RGL1: variants seen among roughly 807,000 people sequenced by gnomAD.
The protein encoded by RGL1 is ral guanine nucleotide dissociation stimulator like 1, also known as ral guanine nucleotide dissociation stimulator-like 1.
In RGL1, 24 loss-of-function variants were observed where a neutral mutation model predicts 95.2. The ratio of observed to expected loss-of-function variants is 0.25; its 90% CI spans 0.18 to 0.35. The LOEUF is 0.35. Ranked by LOEUF, RGL1 falls within the 10% of genes least tolerant of loss-of-function variation. The probability of loss-of-function intolerance (pLI) is 1.00; values close to 1 mark genes in which losing one functional copy is unlikely to be tolerated. For synonymous variants in RGL1, 329 were observed against 344.9 expected, an observed-to-expected ratio of 0.95 and a Z score of 0.51; for missense variants, 715 against 936.3, an observed-to-expected ratio of 0.76 and a Z score of 3.08.
chr1:183,803,532 T>C (rs991106186), upstream of RGL1, among the ~76,000 whole-genome samples: 11 of 152,140 alleles, frequency 7.2e-5, no homozygotes, highest in African/African-American at 2.7e-4. Flanking sequence ...CAGAGAAAGG[T>C]GAGTAGCTCT....
At chr1:183,758,120 C>G (rs988749652) in intron 2 of RGL1, among the ~76,000 whole-genome samples, 8 of 152,156 alleles carry the variant, frequency 5.3e-5, no homozygotes, top group Non-Finnish European at 1.2e-4. Context: ...TATCTCAGTT[C>G]TCCTATATAT....
chr1:183,874,062 T>G (rs964568106), intron 4 of RGL1, among the ~76,000 whole-genome samples: 2 of 152,216 alleles, frequency 1.3e-5, no homozygotes, highest in African/African-American at 4.8e-5. Flanking sequence ...GAAAGATAAT[T>G]TTGGTGACTG....
intron 8 of RGL1, among the ~76,000 whole-genome samples, chr1:183,891,733 GTTTTTTTTTT>G (rs57974956): frequency 5.8e-4 from 72 of 123,944 alleles, no homozygotes; most frequent in Non-Finnish European, 9.0e-4. Context: ...GTGTGTAACA[GTTTTTTTTTT>G]TTTTTTTTTT....
At chr1:183,906,050 A>G (rs2102711642) in intron 13 of RGL1, among the ~76,000 whole-genome samples, 1 of 152,260 alleles carries the variant, frequency 6.6e-6, no homozygotes, top group East Asian at 1.9e-4. Context: ...ACCCTAGCCC[A>G]GGGGATTTCT....
chr1:183,826,024 TCAA>T (rs1270663282), intron 2 of RGL1, among the ~76,000 whole-genome samples: 1 of 144,976 alleles, frequency 6.9e-6, no homozygotes, highest in Non-Finnish European at 1.5e-5. Context: ...AATCAATCAA[TCAA>T]TCAATCGCAA....
chr1:183,697,298 C>T (rs2102130324), intron 1 of RGL1, among the ~76,000 whole-genome samples: 1 of 152,328 alleles, frequency 6.6e-6, no homozygotes, highest in Non-Finnish European at 1.5e-5. Context: ...GCCCTAATCA[C>T]TCACTATCCC....
chr1:183,648,958 A>G (rs1211786594), intron 1 of RGL1: 4 of 573,552 alleles, frequency 7.0e-6, no homozygotes, highest in Non-Finnish European at 1.2e-5. Flanking sequence ...AGGATTCATT[A>G]TTCTTTATTG....
chr1:183,823,587 C>T (rs1364017188), intron 2 of RGL1, among the ~76,000 whole-genome samples: 1 of 152,134 alleles, frequency 6.6e-6, no homozygotes, highest in African/African-American at 2.4e-5. Context: ...TTTTTTTCAC[C>T]ATTCAGTATT....
chr1:183,877,989 G>A (rs1366922377), intron 4 of RGL1, among the ~76,000 whole-genome samples: 2 of 152,160 alleles, frequency 1.3e-5, no homozygotes, highest in African/African-American at 2.4e-5. Flanking sequence ...CACATATTTT[G>A]TAGTTGTGAC....
chr1:183,817,871 C>G (rs1295214032), intron 2 of RGL1, among the ~76,000 whole-genome samples: 2 of 152,204 alleles, frequency 1.3e-5, no homozygotes, highest in African/African-American at 4.8e-5. Context: ...CAGGAACCAG[C>G]TTTCAGACAA....
At chr1:183,713,389 G>T (rs927179449) in intron 1 of RGL1, among the ~76,000 whole-genome samples, 1 of 19,862 alleles carries the variant, frequency 5.0e-5, no homozygotes, top group African/African-American at 2.4e-4. Context: ...CCCCCCCCCC[G>T]CTTTTATAAT....
At chr1:183,746,893 G>C (rs1220720829) in intron 2 of RGL1, among the ~76,000 whole-genome samples, 2 of 152,128 alleles carry the variant, frequency 1.3e-5, no homozygotes, top group African/African-American at 2.4e-5. Flanking sequence ...TTATGAGTGA[G>C]AACATGCAGT....
At chr1:183,774,195 GA>G (rs368758534) in intron 2 of RGL1, among the ~76,000 whole-genome samples, 1 of 152,182 alleles carries the variant, frequency 6.6e-6, no homozygotes, top group African/African-American at 2.4e-5. Flanking sequence ...CCACAGGGAA[GA>G]AAGTGCAGAG....
At chr1:183,848,481 A>G (rs532408451) in intron 3 of RGL1, among the ~76,000 whole-genome samples, 6 of 152,320 alleles carry the variant, frequency 3.9e-5, no homozygotes, top group Non-Finnish European at 8.8e-5. Context: ...GAATCAGGAG[A>G]ATCCTCATCT....
chr1:183,922,896 A>G (rs1293623409), intron 17 of RGL1, among the ~76,000 whole-genome samples: 1 of 152,242 alleles, frequency 6.6e-6, no homozygotes. Context: ...AAAGGCTTCA[A>G]TATGCCTGGG....
intron 1 of RGL1, among the ~76,000 whole-genome samples, chr1:183,659,505 GA>G (rs1651451654): frequency 1.3e-5 from 2 of 152,206 alleles, no homozygotes; most frequent in African/African-American, 4.8e-5. Context: ...GAAGTTTAGA[GA>G]AAAAAGAATA....
At position 183,848,655 on chromosome 1, in the gene RGL1, A is replaced by G. The variant is rs1321291486; in HGVS notation, c.347+881A>G. Among the ~76,000 whole-genome samples the G allele has an allele frequency of 2.0e-5, 3 of 152,194 alleles. No individual in the cohort carries two copies. The East Asian group carries it at 5.8e-4, about 29-fold the overall frequency. On this transcript the variant is annotated intron_variant, in intron 3 of 17. Coordinates refer to ENST00000360851, the MANE Select transcript of RGL1 (RefSeq NM_001297671.3). ...ACTGTGGAAGAATATGCAAAATATT[A>G]AAGTTTGTTCATATTGCTGCCTTTT...
At position 183,785,039 on chromosome 1, in the gene RGL1, G is replaced by A. The variant is rs115984460; in HGVS notation, c.133-21336G>A. Among the ~76,000 whole-genome samples, 996 of 151,980 alleles carry A rather than the reference G, an allele frequency of 6.6e-3. 10 individuals are homozygous for A. The highest frequency in any genetic ancestry group is 0.022 in the African/African-American group (920 of 41,438). ...CTGGAAAAAGTTAAAATTTATAAGC[G>A]GCTCACATTATTTTTCAGTGGGGCA... On this transcript the variant is annotated intron_variant, in intron 2 of 18. Coordinates refer to the RGL1 transcript ENST00000304685.
Position 183,695,945 on chromosome 1 carries a change from C to G in RGL1, c.-32-46181C>G, listed in dbSNP as rs185204914. ...AGGTATAATTTTCTTAAAAGCTAAG[C>G]CTACTGAAAATATTATTCAATCTGA... On this transcript the variant is annotated intron_variant, in intron 1 of 18. Coordinates refer to the RGL1 transcript ENST00000304685. 3.9e-5 allele frequency among the ~76,000 whole-genome samples: 6 copies of G among 152,116 alleles called. No homozygotes were observed. In the East Asian group the frequency reaches 9.7e-4, roughly 24 times the overall value.
Sources: gnomAD v4.1 joint callset for allele counts (sites outside exome capture counted in the v4.1 genomes callset) on GRCh38, gnomAD v4.1.1 for gene constraint, MANE v1.5 for transcripts, NCBI Gene and HGNC (gene_info 2026-07-23, HGNC 2026-07-21) for gene names.